Variants in RB1 observed in about 807,000 individuals in gnomAD.
RB1 encodes the protein RB transcriptional corepressor 1.
In RB1, 18 loss-of-function variants were observed where a neutral mutation model predicts 135.4. That is an observed-to-expected ratio of 0.13 (90% CI 0.09 to 0.20). RB1 has a LOEUF of 0.20. Ranked by LOEUF, RB1 falls within the 10% of genes least tolerant of loss-of-function variation. The probability of loss-of-function intolerance (pLI) is 1.00; values close to 1 mark genes in which losing one functional copy is unlikely to be tolerated. For synonymous variants in RB1, 365 were observed against 373.2 expected (o/e 0.98, Z 0.25); for missense variants, 868 against 1,110.0 (o/e 0.78, Z 3.10).
At chr13:48,411,714 A>G in intron 17 of RB1, 1 of 1,605,110 alleles carries the variant, frequency 6.2e-7, no homozygotes. Context: ...GAAACAGAAT[A>G]TGATCAAATG....
intron 24 of RB1, among the ~76,000 whole-genome samples, chr13:48,474,492 C>G (rs449151): frequency 0.89 from 135,377 of 152,194 alleles, 61,495 homozygotes; most frequent in East Asian, 1. Flanking sequence ...TCACAGGAAT[C>G]TTTATAAAAC....
chr13:48,451,354 G>C (rs954181681), intron 17 of RB1, among the ~76,000 whole-genome samples: 1 of 152,048 alleles, frequency 6.6e-6, no homozygotes, highest in Non-Finnish European at 1.5e-5. Flanking sequence ...TTTATCAAAG[G>C]CCTCTTCTGC....
rs569374459 is a variant in RB1 at position 48,402,102 on chromosome 13, T to C, written c.1695+20659T>C. On this transcript the variant is annotated intron_variant, in intron 17 of 26. Transcript: ENST00000267163. ...GTGGAGAAGTGAAATTACTTGTCTT[T>C]TACATGAGTCATAAACAAAAATGAA... Among the ~76,000 whole-genome samples, 122 of 152,264 alleles carry C rather than the reference T, an allele frequency of 8.0e-4. No homozygotes were observed. In the Middle Eastern group the frequency reaches 0.017, roughly 21 times the overall value.
intron 6 of RB1, among the ~76,000 whole-genome samples, chr13:48,351,863 G>A (rs760266366): frequency 6.6e-6 from 1 of 151,922 alleles, no homozygotes; most frequent in Non-Finnish European, 1.5e-5. Flanking sequence ...TACTAGAGAT[G>A]GGGTTTTACT....
At chr13:48,414,858 A>G (rs548641596) in intron 17 of RB1, among the ~76,000 whole-genome samples, 3 of 152,350 alleles carry the variant, frequency 2.0e-5, no homozygotes, top group South Asian at 2.1e-4. Context: ...CACATTTGGT[A>G]TAGAAAAGAT....
At position 48,348,832 on chromosome 13, in the gene RB1, G is replaced by A. The variant is rs1952521037; in HGVS notation, c.540-124G>A. ...ATTAAAATGGACTGCATTCTATTATGCATTTAACTAAGGTCATTTTTTTTT... is the reference window on the plus strand; with the variant it reads ...ATTAAAATGGACTGCATTCTATTATACATTTAACTAAGGTCATTTTTTTTT... On this transcript the variant is annotated intron_variant, in intron 5 of 26. Transcript: ENST00000267163. The A allele has an allele frequency of 8.1e-6, 9 of 1,113,314 alleles. No homozygotes were observed. The South Asian group carries it at 9.1e-5, about 11-fold the overall frequency. 69.0% of individuals were successfully genotyped at this position (1,113,314 alleles called of 1,614,324 possible).
At chr13:48,372,845 C>T (rs1952775453) in intron 11 of RB1, among the ~76,000 whole-genome samples, 1 of 152,030 alleles carries the variant, frequency 6.6e-6, no homozygotes, top group African/African-American at 2.4e-5. Flanking sequence ...TTGATATTTA[C>T]CATATACTGC....
At chr13:48,425,924 T>C (rs1949073350) in intron 17 of RB1, among the ~76,000 whole-genome samples, 1 of 152,124 alleles carries the variant, frequency 6.6e-6, no homozygotes, top group Non-Finnish European at 1.5e-5. Context: ...GATTACAAAG[T>C]GATTATTGGT....
intron 17 of RB1, among the ~76,000 whole-genome samples, chr13:48,420,038 T>G (rs1948981463): frequency 6.6e-6 from 1 of 152,200 alleles, no homozygotes; most frequent in Admixed American, 6.5e-5. Context: ...ACTCATTTTA[T>G]AAGCCAAGAA....
intron 2 of RB1, among the ~76,000 whole-genome samples, chr13:48,314,699 G>A (rs1247922813): frequency 6.6e-6 from 1 of 152,038 alleles, no homozygotes; most frequent in East Asian, 1.9e-4. Context: ...TACTCTGGAG[G>A]CTGAGGCAGG....
chr13:48,362,900 A>G lies in RB1; in HGVS notation c.804A>G (p.Glu268=). ...GTGCACGGATAGCAAAACAACTAGAAAATGATACAAGAATTATTGAAGTTC... is the reference window on the plus strand; with the variant it reads ...GTGCACGGATAGCAAAACAACTAGAGAATGATACAAGAATTATTGAAGTTC... ...NRSARIAKQL[E]NDTRIIEVLC... The change falls in exon 8 of 27, where the codon GAA becomes GAG. Residue 268 remains glutamate (E), a synonymous_variant. Transcript: ENST00000267163. 6.2e-7 allele frequency: 1 copy of G among 1,613,900 alleles called. No homozygotes were observed. Among genetic ancestry groups the G allele is most frequent in the Non-Finnish European group, 8.5e-7 (1 of 1,179,868 alleles).
chr13:48,345,463 T>C (rs1244193906), intron 4 of RB1, among the ~76,000 whole-genome samples: 1 of 152,192 alleles, frequency 6.6e-6, no homozygotes, highest in African/African-American at 2.4e-5. Flanking sequence ...TCTCCCATTT[T>C]AGCCTTCTTT....
At chr13:48,466,595 C>T (rs1041560022) in intron 23 of RB1, among the ~76,000 whole-genome samples, 106 of 151,604 alleles carry the variant, frequency 7.0e-4, no homozygotes, top group African/African-American at 2.4e-3. Context: ...AGGTTTCAGA[C>T]GATCAAATTA....
chr13:48,324,850 T>TG lies in RB1; in HGVS notation c.264+17444_264+17445insG, dbSNP rs931779862. 6.0e-5 allele frequency among the ~76,000 whole-genome samples: 9 copies of TG among 150,998 alleles called. No homozygotes were observed. The East Asian group carries it at 7.8e-4, about 13-fold the overall frequency. The stretch of plus-strand genomic sequence containing the variant: ...ACAAGCAGTTGTGCTTTTGTTTTTT[T>TG]TTTGTTTGTTTGTTTTTGTTTTTGT... On this transcript the variant is annotated intron_variant, in intron 2 of 26. Coordinates refer to ENST00000267163, the MANE Select transcript of RB1 (RefSeq NM_000321.3).
At chr13:48,363,483 G>A (rs550554736) in intron 8 of RB1, among the ~76,000 whole-genome samples, 52 of 152,282 alleles carry the variant, frequency 3.4e-4, no homozygotes, top group African/African-American at 1.3e-3. Context: ...CTTGAGCCCA[G>A]AAGTTTGAGG....
At chr13:48,372,204 C>G (rs1038950712) in intron 11 of RB1, among the ~76,000 whole-genome samples, 3 of 152,088 alleles carry the variant, frequency 2.0e-5, no homozygotes, top group African/African-American at 7.2e-5. Flanking sequence ...TCATTAAGAG[C>G]AAGTATTTCT....
chr13:48,417,260 T>C, intron 17 of RB1: 1 of 153,230 alleles, frequency 6.5e-6, no homozygotes, highest in Non-Finnish European at 1.5e-5. Context: ...TTCTGCAACC[T>C]CTGCTGGTGA....
At chr13:48,363,895 C>A (rs1188732524) in intron 8 of RB1, among the ~76,000 whole-genome samples, 1 of 152,104 alleles carries the variant, frequency 6.6e-6, no homozygotes, top group Non-Finnish European at 1.5e-5. Context: ...TGCTTCTTTC[C>A]TTTTTACCAT....
At chr13:48,331,166 A>G (rs1952331836) in intron 2 of RB1, among the ~76,000 whole-genome samples, 2 of 152,242 alleles carry the variant, frequency 1.3e-5, no homozygotes, top group South Asian at 4.1e-4. Flanking sequence ...ATAAGCCCAC[A>G]GCTAGCATTA....
Sources: gnomAD v4.1 joint callset for allele counts (sites outside exome capture counted in the v4.1 genomes callset) on GRCh38, gnomAD v4.1.1 for gene constraint, MANE v1.5 for transcripts, NCBI Gene and HGNC (gene_info 2026-07-23, HGNC 2026-07-21) for gene names.